The following SYNE1 variants were observed in gnomAD, a reference collection of about 807,000 sequenced individuals.
SYNE1 encodes nesprin-1.
A neutral mutation model predicts 1,111.0 loss-of-function variants in SYNE1; 616 were observed. That is an observed-to-expected ratio of 0.55 (90% CI 0.52 to 0.59). SYNE1 has a LOEUF of 0.59. Ranked by LOEUF, SYNE1 falls within the 20% of genes least tolerant of loss-of-function variation. The pLI is 0.00. For missense variants in SYNE1, 10,006 were observed against 10,417.0 expected (o/e 0.96, Z 1.72); for synonymous variants, 3,855 against 3,825.8 (o/e 1.01, Z -0.28).
intron 3 of SYNE1, among the ~76,000 whole-genome samples, chr6:152,573,904 C>T (rs1268520567): frequency 6.6e-6 from 1 of 152,058 alleles, no homozygotes; most frequent in African/African-American, 2.4e-5. Flanking sequence ...AGCATAATAG[C>T]ATCAAAGCTC....
At position 152,239,526 on chromosome 6, in the gene SYNE1, G is replaced by T. The variant is rs778134110; in HGVS notation, c.20067+7C>A. 1 of 1,614,054 alleles carries T rather than the reference G, an allele frequency of 6.2e-7. No homozygotes were observed. Among genetic ancestry groups the T allele is most frequent in the Non-Finnish European group, 8.5e-7 (1 of 1,180,004 alleles). On this transcript the variant is annotated splice_region_variant and intron_variant, in intron 108 of 145. Transcript: ENST00000367255. ...CAGCACAGAAGATATGACATCAATG[G>T]TCTCACCTCTAGAATGTACTCCAGC... is the stretch of plus-strand genomic sequence containing the variant.
At chr6:152,374,950 A>C (rs1402917406) in intron 58 of SYNE1, among the ~76,000 whole-genome samples, 2 of 149,748 alleles carry the variant, frequency 1.3e-5, no homozygotes, top group East Asian at 2.0e-4. Flanking sequence ...ATTTTATTTT[A>C]TTATTTTTGA....
intron 11 of SYNE1, among the ~76,000 whole-genome samples, chr6:152,492,506 C>A (rs905722038): frequency 2.6e-5 from 4 of 152,226 alleles, no homozygotes; most frequent in African/African-American, 9.6e-5. Context: ...AATCTGGCCA[C>A]TGGGCCAAGG....
rs1226307741 is a variant in SYNE1, at chr6:152,537,421, GT to G, written c.129+2538del. 4.0e-5 allele frequency among the ~76,000 whole-genome samples: 6 copies of G among 151,556 alleles called. No homozygotes were observed. The South Asian group carries it at 6.2e-4, about 16-fold the overall frequency. ...TTTTCTTACTTATAATAAGATTTTT[GT>G]TTTAAGAAAAGCATATTTTTACTTA... On this transcript the variant is annotated intron_variant, in intron 4 of 145. Coordinates refer to ENST00000367255, the MANE Select transcript of SYNE1 (RefSeq NM_182961.4).
intron 76 of SYNE1, 76 bp downstream of exon 76, chr6:152,336,765 G>A: frequency 3.2e-6 from 5 of 1,555,672 alleles, no homozygotes; most frequent in Non-Finnish European, 4.4e-6. Flanking sequence ...ATATTGAAGT[G>A]AATACACTGA....
At chr6:152,543,641 A>G (rs924076322) in intron 3 of SYNE1, among the ~76,000 whole-genome samples, 90 of 152,254 alleles carry the variant, frequency 5.9e-4, no homozygotes, top group Non-Finnish European at 3.1e-4. Context: ...CATGCACTGC[A>G]TAATGATTTT....
At position 152,416,494 on chromosome 6, in the gene SYNE1, T is replaced by G; in HGVS notation, c.5943A>C (p.Lys1981Asn). Residue 1981 changes from lysine (K) to asparagine (N), a missense_variant, in exon 41 of 146, where the codon AAA (lysine) becomes AAC (asparagine). Around this residue, in one of 7 missense-constraint regions of SYNE1, gnomAD observed 4,955 missense variants for 5,017.2 expected, o/e 0.99. Coordinates refer to ENST00000367255, the MANE Select transcript of SYNE1 (RefSeq NM_182961.4). ...GCTCCTCTTTCTGGTCTTGGAATGC[T>G]TTTTTCAACACTGCCAGAGCATCTG... ...SEADALAVLK[K>N]AFQDQKEELL... The G allele has an allele frequency of 6.2e-7, 1 of 1,614,122 alleles. No individual in the cohort carries two copies. Among genetic ancestry groups the G allele is most frequent in the Admixed American group, 1.7e-5 (1 of 60,016 alleles).
At chr6:152,125,227 ATAATGG>A (rs1164650131) in intron 145 of SYNE1, 1 of 1,545,856 alleles carries the variant, frequency 6.5e-7, no homozygotes, top group South Asian at 1.2e-5. Flanking sequence ...GGTGATAGGA[ATAATGG>A]TAATGGTAAT....
chr6:152,500,950 CAAAAAAAA>C (rs57436246), intron 10 of SYNE1, among the ~76,000 whole-genome samples: 2 of 79,980 alleles, frequency 2.5e-5, no homozygotes, highest in African/African-American at 8.3e-5. Flanking sequence ...GACTCCATCT[CAAAAAAAA>C]AAAAAAAAAG....
chr6:152,339,080 A>G (rs1226989013), intron 75 of SYNE1, among the ~76,000 whole-genome samples, 161 bp downstream of exon 75: 1 of 152,242 alleles, frequency 6.6e-6, no homozygotes, highest in Non-Finnish European at 1.5e-5. Context: ...ATTTTCTATG[A>G]GTTAGCTGAA....
rs747517287 is a variant in SYNE1 at position 152,428,195 on chromosome 6, T to C, written c.4976+10A>G. 5.6e-6 allele frequency: 9 copies of C among 1,612,714 alleles called. No individual in the cohort carries two copies. Among genetic ancestry groups the C allele is most frequent in the Non-Finnish European group, 6.8e-6 (8 of 1,179,998 alleles). On this transcript the variant is annotated intron_variant, in intron 37 of 145. Coordinates refer to ENST00000367255, the MANE Select transcript of SYNE1 (RefSeq NM_182961.4). ...AGTAGTGCAGCAACTCAAGGAAAAGTGCTGCTCACCTCTGCCAGTGGGCCA... is the reference window on the plus strand; with the variant it reads ...AGTAGTGCAGCAACTCAAGGAAAAGCGCTGCTCACCTCTGCCAGTGGGCCA...
At position 152,300,789 on chromosome 6, in the gene SYNE1, G is replaced by T. The variant is rs765529697; in HGVS notation, c.17542-8C>A. 1.9e-6 allele frequency: 3 copies of T among 1,614,184 alleles called. No individual in the cohort carries two copies. The East Asian group carries it at 6.7e-5, about 36-fold the overall frequency. On this transcript the variant is annotated splice_region_variant and splice_polypyrimidine_tract_variant and intron_variant, in intron 92 of 145. Coordinates refer to ENST00000367255, the MANE Select transcript of SYNE1 (RefSeq NM_182961.4). ...ACAGCGACCTGCAGTCATCTGCCAC[G>T]TAAAATGTAGCCCAAAGGACATGAA...
chr6:152,467,087 AT>A (rs2098774322), intron 16 of SYNE1, among the ~76,000 whole-genome samples: 1 of 152,116 alleles, frequency 6.6e-6, no homozygotes, highest in Non-Finnish European at 1.5e-5. Flanking sequence ...TTGAGATAAC[AT>A]TTTAAAAATT....
chr6:152,496,979 G>C (rs537044580), intron 11 of SYNE1, among the ~76,000 whole-genome samples: 2 of 151,764 alleles, frequency 1.3e-5, no homozygotes, highest in South Asian at 2.1e-4. Context: ...ACCTGCCCCT[G>C]TCTGCAAGAG....
intron 11 of SYNE1, among the ~76,000 whole-genome samples, chr6:152,490,114 A>T (rs1189109086): frequency 2.0e-5 from 3 of 152,228 alleles, no homozygotes; most frequent in African/African-American, 7.2e-5. Flanking sequence ...AATAAAGATA[A>T]TACAAACAAA....
chr6:152,207,961 T>A lies in SYNE1; in HGVS notation c.22824+11A>T. 6.2e-7 allele frequency: 1 copy of A among 1,613,924 alleles called. No individual in the cohort carries two copies. The highest frequency in any genetic ancestry group is 1.1e-5 in the South Asian group (1 of 91,074). ...CTAAGAGGTGTGAGAACACTGTGTT[T>A]TGCATCTTACCTGCACTTCATCAAA... On this transcript the variant is annotated intron_variant, in intron 125 of 145. Coordinates refer to ENST00000367255, the MANE Select transcript of SYNE1 (RefSeq NM_182961.4).
chr6:152,481,266 C>T (rs1006961346), intron 14 of SYNE1: 37 of 233,658 alleles, frequency 1.6e-4, no homozygotes, highest in Admixed American at 2.5e-4. Flanking sequence ...GCACCACAAA[C>T]GCCTGGACCT....
chr6:152,230,192 G>A (rs937932455), intron 115 of SYNE1, among the ~76,000 whole-genome samples: 5 of 151,968 alleles, frequency 3.3e-5, no homozygotes, highest in Admixed American at 6.6e-5. Context: ...GCACCACCAC[G>A]TCTGGCTGAT....
At chr6:152,425,865 A>G (rs920087118) in intron 38 of SYNE1, among the ~76,000 whole-genome samples, 1 of 152,234 alleles carries the variant, frequency 6.6e-6, no homozygotes, top group Non-Finnish European at 1.5e-5. Context: ...TAAGTTAGGC[A>G]AATCTAGAAG....
Sources: allele counts gnomAD v4.1 joint callset (sites outside exome capture counted in the v4.1 genomes callset), GRCh38; gene constraint gnomAD v4.1.1; regional missense constraint gnomAD v4.1.1; transcripts MANE v1.5; gene names NCBI Gene and HGNC (gene_info 2026-07-23, HGNC 2026-07-21).